FLI1: variants seen among roughly 807,000 people sequenced by gnomAD.
FLI1 encodes Fli-1 proto-oncogene, ETS transcription factor.
FLI1 carries 13 observed loss-of-function variants against 53.1 expected under a neutral mutation model. The ratio of observed to expected loss-of-function variants is 0.24; its 90% CI spans 0.16 to 0.39. The LOEUF is 0.39. FLI1 is among the 10% of genes least tolerant of loss of function. The probability of loss-of-function intolerance (pLI) is 1.00; values close to 1 mark genes in which losing one functional copy is unlikely to be tolerated. For synonymous variants in FLI1, 244 were observed against 236.7 expected (o/e 1.03, Z -0.28); for missense variants, 424 against 600.5 (o/e 0.71, Z 3.07).
At chr11:128,692,043 G>C (rs1300079943), upstream of FLI1, 2 of 152,166 alleles carry the variant, frequency 1.3e-5, no homozygotes, top group Non-Finnish European at 2.9e-5. Context: ...GCGGGTTTCT[G>C]GTGAGGTCCG....
At chr11:128,689,891 G>T (rs1375227815), upstream of FLI1, among the ~76,000 whole-genome samples, 2 of 142,586 alleles carry the variant, frequency 1.4e-5, no homozygotes, top group African/African-American at 2.6e-5. Context: ...GGCCTCCCAC[G>T]TAGCGTTCTG....
At chr11:128,782,076 C>G in intron 5 of FLI1, 53 bp downstream of exon 5, 1 of 1,372,126 alleles carries the variant, frequency 7.3e-7, no homozygotes, top group Non-Finnish European at 1.0e-6. Flanking sequence ...AGACATGACA[C>G]AGGCCCATGC....
At chr11:128,720,187 T>C (rs1015761053) in intron 1 of FLI1, among the ~76,000 whole-genome samples, 4 of 152,192 alleles carry the variant, frequency 2.6e-5, no homozygotes, top group Non-Finnish European at 5.9e-5. Flanking sequence ...CCTCCTTTTA[T>C]TCTCTTTATA....
chr11:128,706,851 T>C (rs1003996699), intron 1 of FLI1, among the ~76,000 whole-genome samples: 1 of 152,216 alleles, frequency 6.6e-6, no homozygotes, highest in African/African-American at 2.4e-5. Flanking sequence ...AAAGGATTGC[T>C]GATTTGGAAG....
At chr11:128,784,003 G>A (rs894956015) in intron 5 of FLI1, among the ~76,000 whole-genome samples, 1 of 151,446 alleles carries the variant, frequency 6.6e-6, no homozygotes, top group Admixed American at 6.6e-5. Flanking sequence ...GGGAGGGAAG[G>A]AGGAAGGGAG....
intron 4 of FLI1, among the ~76,000 whole-genome samples, 173 bp downstream of exon 4, chr11:128,773,158 C>T (rs1008569068): frequency 2.6e-4 from 40 of 152,070 alleles, no homozygotes; most frequent in African/African-American, 8.9e-4. Context: ...GAGGGGCAGA[C>T]CCAATCCTGA....
intron 3 of FLI1, among the ~76,000 whole-genome samples, chr11:128,769,467 A>G (rs1156454502): frequency 3.3e-5 from 5 of 152,090 alleles, no homozygotes; most frequent in African/African-American, 4.8e-5. Context: ...TGTAGGTCTA[A>G]AGGCAGAAAT....
At chr11:128,747,744 G>A (rs538063982) in intron 1 of FLI1, among the ~76,000 whole-genome samples, 2 of 152,152 alleles carry the variant, frequency 1.3e-5, no homozygotes, top group Non-Finnish European at 1.5e-5. Flanking sequence ...GAGCATTGCC[G>A]ACCCTTTTGT....
Position 128,812,152 on chromosome 11 carries a change from A to T in FLI1, c.*1164A>T, listed in dbSNP as rs1942953340. 4.6e-6 allele frequency: 1 copy of T among 216,364 alleles called. No individual in the cohort carries two copies. Among genetic ancestry groups the T allele is most frequent in the Non-Finnish European group, 9.3e-6 (1 of 107,322 alleles). The allele number at this position is 216,364 out of a possible 1,614,324, so 13.4% of individuals were successfully genotyped here. On this transcript the variant is annotated 3_prime_UTR_variant, in exon 9 of 9. Transcript: ENST00000527786. ...ACAGGCATACACAAGCAGGGAAAAGATAATCCATTTAGATCTTTAATGCTT... is the reference window on the plus strand; with the variant it reads ...ACAGGCATACACAAGCAGGGAAAAGTTAATCCATTTAGATCTTTAATGCTT...
chr11:128,740,678 A>C (rs558431593), intron 1 of FLI1, among the ~76,000 whole-genome samples: 1 of 152,376 alleles, frequency 6.6e-6, no homozygotes, highest in East Asian at 1.9e-4. Context: ...GGGTTATGAC[A>C]GCAATGTTTT....
chr11:128,779,472 G>A (rs916752284), intron 4 of FLI1, among the ~76,000 whole-genome samples: 2 of 152,190 alleles, frequency 1.3e-5, no homozygotes, highest in African/African-American at 2.4e-5. Flanking sequence ...AGGACAGGAC[G>A]AATGTTCAGT....
chr11:128,793,109 C>T (rs887741888), intron 5 of FLI1, among the ~76,000 whole-genome samples: 3 of 151,924 alleles, frequency 2.0e-5, no homozygotes, highest in South Asian at 2.1e-4. Context: ...CAGAACAAGA[C>T]CTTGTTCTCA....
chr11:128,797,780 T>C (rs1286465703), intron 5 of FLI1, among the ~76,000 whole-genome samples: 1 of 152,114 alleles, frequency 6.6e-6, no homozygotes, highest in African/African-American at 2.4e-5. Context: ...GAATGAATTT[T>C]TGAGAGAAAC....
At chr11:128,796,653 T>G (rs1446571322) in intron 5 of FLI1, among the ~76,000 whole-genome samples, 1 of 152,232 alleles carries the variant, frequency 6.6e-6, no homozygotes, top group African/African-American at 2.4e-5. Context: ...CGGAAGTGTT[T>G]CCTGCTCACC....
intron 1 of FLI1, among the ~76,000 whole-genome samples, chr11:128,714,843 G>A (rs1349060682): frequency 6.7e-6 from 1 of 149,436 alleles, no homozygotes; most frequent in Non-Finnish European, 1.5e-5. Flanking sequence ...CGTGTAGCTT[G>A]GACTACAGGC....
At chr11:128,793,189 A>G (rs1186359352) in intron 5 of FLI1, among the ~76,000 whole-genome samples, 3 of 152,010 alleles carry the variant, frequency 2.0e-5, no homozygotes, top group Non-Finnish European at 4.4e-5. Context: ...TTTGAGGGAA[A>G]TAAAGTTTCC....
At chr11:128,701,199 T>A (rs2135701946) in intron 1 of FLI1, among the ~76,000 whole-genome samples, 1 of 152,330 alleles carries the variant, frequency 6.6e-6, no homozygotes, top group South Asian at 2.1e-4. Context: ...ACTGTGATTA[T>A]CCTTCTCATC....
chr11:128,752,245 G>A (rs1284474834), intron 1 of FLI1, among the ~76,000 whole-genome samples: 1 of 152,078 alleles, frequency 6.6e-6, no homozygotes, highest in Non-Finnish European at 1.5e-5. Context: ...CAAAATGCTG[G>A]GATTACAGGC....
chr11:128,763,008 A>G (rs1456466259), intron 2 of FLI1, among the ~76,000 whole-genome samples: 1 of 151,910 alleles, frequency 6.6e-6, no homozygotes, highest in Non-Finnish European at 1.5e-5. Flanking sequence ...TTCTACTTCT[A>G]TTGGACAGTG....
Sources: allele counts gnomAD v4.1 joint callset (sites outside exome capture counted in the v4.1 genomes callset), GRCh38; gene constraint gnomAD v4.1.1; transcripts MANE v1.5; gene names NCBI Gene and HGNC (gene_info 2026-07-23, HGNC 2026-07-21).